DOK6: variants seen among roughly 807,000 people sequenced by gnomAD.
DOK6 encodes the protein downstream of tyrosine kinase 6.
In DOK6, 22 loss-of-function variants were observed where a neutral mutation model predicts 44.0. The observed-to-expected ratio is 0.50, with a 90% CI of 0.36 to 0.71. The LOEUF (loss-of-function observed/expected upper bound fraction) is 0.71. Among genes scored for constraint, DOK6 ranks in the 30% least tolerant of loss-of-function variants. The probability of loss-of-function intolerance (pLI) is 0.00; values close to 1 mark genes in which losing one functional copy is unlikely to be tolerated. For missense variants in DOK6, 340 were observed against 416.4 expected, an observed-to-expected ratio of 0.82 and a Z score of 1.60; for synonymous variants, 166 against 145.5, an observed-to-expected ratio of 1.14 and a Z score of -1.01.
intron 3 of DOK6, among the ~76,000 whole-genome samples, chr18:69,603,513 T>C (rs1401110903): frequency 6.6e-6 from 1 of 152,208 alleles, no homozygotes; most frequent in Non-Finnish European, 1.5e-5. Flanking sequence ...GGCTCACACC[T>C]GTAATCCCAG....
intron 1 of DOK6, among the ~76,000 whole-genome samples, chr18:69,416,939 T>C (rs1978356910): frequency 6.6e-6 from 1 of 152,196 alleles, no homozygotes; most frequent in Non-Finnish European, 1.5e-5. Context: ...TAAATTTTTT[T>C]ATGTTTATGG....
chr18:69,563,112 C>A (rs1982878984), intron 1 of DOK6, among the ~76,000 whole-genome samples: 1 of 152,190 alleles, frequency 6.6e-6, no homozygotes, highest in African/African-American at 2.4e-5. Flanking sequence ...TACCATCTCA[C>A]ACCACTTAGA....
chr18:69,520,254 A>T (rs972174066), intron 1 of DOK6, among the ~76,000 whole-genome samples: 1 of 150,150 alleles, frequency 6.7e-6, no homozygotes, highest in Middle Eastern at 3.2e-3. Context: ...TTACTTATTT[A>T]AAACAATTTC....
At chr18:69,411,054 A>G (rs1978303889) in intron 1 of DOK6, among the ~76,000 whole-genome samples, 1 of 152,110 alleles carries the variant, frequency 6.6e-6, no homozygotes, top group Non-Finnish European at 1.5e-5. Flanking sequence ...GGGAGAGAAA[A>G]TCGAAGCAAT....
intron 1 of DOK6, among the ~76,000 whole-genome samples, chr18:69,484,858 G>T (rs2144534121): frequency 6.6e-6 from 1 of 152,030 alleles, no homozygotes; most frequent in East Asian, 1.9e-4. Context: ...AACAAAAAGT[G>T]CAAAAATGTG....
chr18:69,577,797 A>G (rs991826898), intron 2 of DOK6, among the ~76,000 whole-genome samples: 8 of 152,200 alleles, frequency 5.3e-5, no homozygotes, highest in African/African-American at 1.9e-4. Flanking sequence ...TCTAAATTCT[A>G]GGAACCTTCC....
At chr18:69,422,845 A>C (rs2122410124) in intron 1 of DOK6, among the ~76,000 whole-genome samples, 1 of 152,362 alleles carries the variant, frequency 6.6e-6, no homozygotes, top group Middle Eastern at 3.4e-3. Flanking sequence ...ATTTAAACTT[A>C]AACTTGCAAT....
At chr18:69,668,578 G>T (rs1276385954) in intron 3 of DOK6, among the ~76,000 whole-genome samples, 1 of 152,066 alleles carries the variant, frequency 6.6e-6, no homozygotes, top group Non-Finnish European at 1.5e-5. Context: ...GGTGTGGTAG[G>T]AGTTTATTTT....
chr18:69,507,881 G>C (rs548401474), intron 1 of DOK6, among the ~76,000 whole-genome samples: 3 of 152,000 alleles, frequency 2.0e-5, no homozygotes, highest in African/African-American at 7.2e-5. Flanking sequence ...ACTGGATGCA[G>C]TCAGTGCAAC....
At chr18:69,475,200 A>T (rs1490268631) in intron 1 of DOK6, among the ~76,000 whole-genome samples, 1 of 152,246 alleles carries the variant, frequency 6.6e-6, no homozygotes, top group Non-Finnish European at 1.5e-5. Flanking sequence ...CCATATTGGA[A>T]AAAAGAAAAT....
intron 4 of DOK6, among the ~76,000 whole-genome samples, chr18:69,692,089 G>T (rs1278165693): frequency 6.6e-6 from 1 of 152,156 alleles, no homozygotes; most frequent in Non-Finnish European, 1.5e-5. Context: ...AAAAGCAAAA[G>T]AAAGTGGGGC....
At chr18:69,630,151 C>A (rs895671712) in intron 3 of DOK6, among the ~76,000 whole-genome samples, 5 of 152,026 alleles carry the variant, frequency 3.3e-5, no homozygotes, top group Non-Finnish European at 7.4e-5. Context: ...ATAATGAAAA[C>A]CTATTAGGTT....
intron 6 of DOK6, among the ~76,000 whole-genome samples, chr18:69,741,981 C>T (rs1160501222): frequency 6.6e-6 from 1 of 152,184 alleles, no homozygotes; most frequent in Non-Finnish European, 1.5e-5. Flanking sequence ...GATCTTTTCA[C>T]ACCATATAAG....
intron 2 of DOK6, among the ~76,000 whole-genome samples, chr18:69,594,052 A>G (rs1983682998): frequency 6.6e-6 from 1 of 152,210 alleles, no homozygotes; most frequent in Non-Finnish European, 1.5e-5. Flanking sequence ...TTTAAAAATT[A>G]CAAAGTTAAG....
intron 3 of DOK6, among the ~76,000 whole-genome samples, chr18:69,652,572 C>A (rs924640595): frequency 6.6e-6 from 1 of 152,132 alleles, no homozygotes; most frequent in Non-Finnish European, 1.5e-5. Context: ...TCTAGAGATC[C>A]ACCCACCACA....
At chr18:69,599,536 G>A in intron 3 of DOK6, 38 bp downstream of exon 3, 1 of 1,561,740 alleles carries the variant, frequency 6.4e-7, no homozygotes, top group Non-Finnish European at 8.8e-7. Flanking sequence ...TGAGGAAATT[G>A]AGCTGCTTGT....
intron 1 of DOK6, among the ~76,000 whole-genome samples, chr18:69,481,552 T>G (rs893004274): frequency 2.6e-5 from 4 of 152,204 alleles, no homozygotes; most frequent in African/African-American, 4.8e-5. Flanking sequence ...GGACATGAAC[T>G]CATCCTTTTT....
chr18:69,403,987 C>T (rs780985814), intron 1 of DOK6, among the ~76,000 whole-genome samples: 1 of 152,124 alleles, frequency 6.6e-6, no homozygotes, highest in Middle Eastern at 3.4e-3. Flanking sequence ...AACTAAATTT[C>T]AAAATATAAA....
chr18:69,545,856 C>G (rs1232672017), intron 1 of DOK6, among the ~76,000 whole-genome samples: 1 of 151,530 alleles, frequency 6.6e-6, no homozygotes, highest in East Asian at 1.9e-4. Context: ...TAAGTACATT[C>G]TCTTATAAAA....
Sources: allele counts gnomAD v4.1 joint callset (sites outside exome capture counted in the v4.1 genomes callset), GRCh38; gene constraint gnomAD v4.1.1; transcripts MANE v1.5; gene names NCBI Gene and HGNC (gene_info 2026-07-23, HGNC 2026-07-21).